RPS6KC1: variants seen among roughly 807,000 people sequenced by gnomAD.
RPS6KC1 encodes the protein ribosomal protein S6 kinase C1.
RPS6KC1 carries 54 observed loss-of-function variants against 103.8 expected under a neutral mutation model. The observed-to-expected ratio is 0.52, with a 90% CI of 0.42 to 0.65. The LOEUF is 0.65. RPS6KC1 is among the 30% of genes least tolerant of loss of function. The pLI is 0.00. For synonymous variants in RPS6KC1, 439 were observed against 438.7 expected, an observed-to-expected ratio of 1.00 and a Z score of -0.01; for missense variants, 1,151 against 1,253.8, an observed-to-expected ratio of 0.92 and a Z score of 1.24.
the RPS6KC1 span, among the ~76,000 whole-genome samples, chr1:213,371,927 C>T: frequency 6.6e-6 from 1 of 152,194 alleles, no homozygotes; most frequent in Non-Finnish European, 1.5e-5. Context: ...CCTGGAGGGT[C>T]TTCATGAACA....
rs539239387 is a variant in RPS6KC1, at chr1:213,168,341, T to C, written c.951+368T>C. Among the ~76,000 whole-genome samples the C allele has an allele frequency of 3.3e-5, 5 of 152,354 alleles. No individual in the cohort carries two copies. In the East Asian group the frequency reaches 9.6e-4, roughly 29 times the overall value. ...TGATTCATGTTAAAACTATTCATTT[T>C]AAGCCTAAGTTATACAAGTATATGC... On this transcript the variant is annotated intron_variant, in intron 7 of 14. Coordinates refer to ENST00000366960, the MANE Select transcript of RPS6KC1 (RefSeq NM_012424.6).
chr1:213,699,486 C>A, the RPS6KC1 span, among the ~76,000 whole-genome samples: 1 of 152,240 alleles, frequency 6.6e-6, no homozygotes, highest in East Asian at 1.9e-4. Flanking sequence ...GCCCTCAAAT[C>A]TTGGCTGTTG....
the RPS6KC1 span, among the ~76,000 whole-genome samples, chr1:213,832,308 A>G: frequency 2.0e-5 from 3 of 152,162 alleles, no homozygotes; most frequent in Non-Finnish European, 4.4e-5. Context: ...CCTCAACCCA[A>G]TCCATTGACT....
chr1:213,632,067 C>A, the RPS6KC1 span, among the ~76,000 whole-genome samples: 1 of 152,160 alleles, frequency 6.6e-6, no homozygotes, highest in East Asian at 1.9e-4. Flanking sequence ...ATTCATGAGA[C>A]TTGTTCCATA....
At chr1:213,607,786 G>C in the RPS6KC1 span, among the ~76,000 whole-genome samples, 1 of 152,090 alleles carries the variant, frequency 6.6e-6, no homozygotes, top group Non-Finnish European at 1.5e-5. Flanking sequence ...AGTGTTGAGT[G>C]CGTGTTGGGG....
Position 213,077,753 on chromosome 1 carries a change from A to G in RPS6KC1, c.199A>G (p.Ile67Val), listed in dbSNP as rs1471704842. 1 of 1,555,724 alleles carries G rather than the reference A, an allele frequency of 6.4e-7. No homozygotes were observed. Among genetic ancestry groups the G allele is most frequent in the Non-Finnish European group, 8.8e-7 (1 of 1,138,466 alleles). Reference protein sequence around the residue: ...FKKLHKELWQIHKNLFRHSEL... With the variant: ...FKKLHKELWQVHKNLFRHSEL... ...GAAACTACACAAAGAACTATGGCAA[A>G]TTCACAAAAACTTATTCCGACATTC... The change falls in exon 3 of 15, where the codon ATT (isoleucine) becomes GTT (valine). Residue 67 changes from isoleucine (I) to valine (V), a missense_variant. By Grantham distance (29) the Ile-to-Val change is conservative. This residue lies in a region of RPS6KC1 where 959 missense variants were observed against 1,006.3 expected (regional missense o/e 0.95). Coordinates refer to ENST00000366960, the MANE Select transcript of RPS6KC1 (RefSeq NM_012424.6).
the RPS6KC1 span, chr1:213,817,855 G>A: frequency 6.6e-6 from 1 of 151,960 alleles, no homozygotes; most frequent in East Asian, 1.9e-4. Context: ...GTCTGTTGGT[G>A]CCATTTTTCT....
chr1:213,151,582 G>T (rs1306568913), intron 6 of RPS6KC1, among the ~76,000 whole-genome samples: 1 of 89,042 alleles, frequency 1.1e-5, no homozygotes, highest in Non-Finnish European at 2.3e-5. Flanking sequence ...CGGATGGGGC[G>T]GCTGGCCGGG....
the RPS6KC1 span, among the ~76,000 whole-genome samples, chr1:213,849,996 C>A: frequency 4.0e-5 from 6 of 151,754 alleles, no homozygotes; most frequent in Non-Finnish European, 8.8e-5. Flanking sequence ...AATAATTTTT[C>A]AGTTTATTCT....
the RPS6KC1 span, among the ~76,000 whole-genome samples, chr1:213,580,904 A>C: frequency 6.6e-6 from 1 of 152,172 alleles, no homozygotes; most frequent in Non-Finnish European, 1.5e-5. Context: ...AAAAAAATTC[A>C]TGTGATTTTC....
the RPS6KC1 span, among the ~76,000 whole-genome samples, chr1:213,663,152 T>C: frequency 2.6e-5 from 4 of 152,364 alleles, no homozygotes; most frequent in South Asian, 2.1e-4. Flanking sequence ...ATTAAATGTA[T>C]GCAAAGTGCT....
At chr1:213,611,040 T>C in the RPS6KC1 span, among the ~76,000 whole-genome samples, 13 of 152,200 alleles carry the variant, frequency 8.5e-5, no homozygotes, top group Non-Finnish European at 1.5e-4. Context: ...CCTCACTGCA[T>C]CATGTGTGAA....
At chr1:213,371,821 C>A in the RPS6KC1 span, among the ~76,000 whole-genome samples, 8 of 152,216 alleles carry the variant, frequency 5.3e-5, no homozygotes, top group African/African-American at 9.6e-5. Flanking sequence ...GCCGAGCACA[C>A]TGACCTCCTC....
At position 213,231,160 on chromosome 1, in the gene RPS6KC1, G is replaced by T. The variant is rs116154344; in HGVS notation, c.1092+616G>T. On this transcript the variant is annotated intron_variant, in intron 9 of 14. Transcript: ENST00000366960. The stretch of plus-strand genomic sequence containing the variant: ...GTGTTGTTTGAATGTGTAGTGTGTT[G>T]TTTAAATACATCTCAAGAACATTTT... Among the ~76,000 whole-genome samples, 664 of 152,218 alleles carry T rather than the reference G, an allele frequency of 4.4e-3. 4 individuals are homozygous for T. Among genetic ancestry groups the T allele is most frequent in the African/African-American group, 0.015 (640 of 41,542 alleles).
At chr1:213,404,237 T>C in the RPS6KC1 span, among the ~76,000 whole-genome samples, 5 of 152,082 alleles carry the variant, frequency 3.3e-5, no homozygotes, top group Non-Finnish European at 5.9e-5. Flanking sequence ...GGGTTTACAC[T>C]GGGGTTGAGG....
At chr1:213,152,309 C>T (rs1201086071) in intron 6 of RPS6KC1, among the ~76,000 whole-genome samples, 9 of 143,650 alleles carry the variant, frequency 6.3e-5, no homozygotes, top group African/African-American at 1.6e-4. Context: ...CCGGATGGGG[C>T]GGCTGGCCGG....
chr1:213,428,432 C>A, the RPS6KC1 span, among the ~76,000 whole-genome samples: 1 of 78,240 alleles, frequency 1.3e-5, no homozygotes, highest in African/African-American at 4.2e-5. Context: ...CCTCTCCCCT[C>A]CCTCCCTCCA....
the RPS6KC1 span, among the ~76,000 whole-genome samples, chr1:213,586,302 A>G: frequency 1.3e-5 from 2 of 152,212 alleles, no homozygotes; most frequent in East Asian, 3.8e-4. Flanking sequence ...TGGAGATTAG[A>G]GGCACTCTCT....
the RPS6KC1 span, among the ~76,000 whole-genome samples, chr1:213,571,744 C>A: frequency 6.6e-6 from 1 of 152,320 alleles, no homozygotes; most frequent in South Asian, 2.1e-4. Context: ...TCACTGGAGG[C>A]ACTTTTGAGA....
Sources: allele counts gnomAD v4.1 joint callset (sites outside exome capture counted in the v4.1 genomes callset), GRCh38; gene constraint gnomAD v4.1.1; regional missense constraint gnomAD v4.1.1; transcripts MANE v1.5; gene names NCBI Gene and HGNC (gene_info 2026-07-23, HGNC 2026-07-21).